The following CDK15 variants were observed in gnomAD, a reference collection of about 807,000 sequenced individuals.
The protein encoded by CDK15 is cyclin-dependent kinase 15.
Under a neutral mutation model 60.3 loss-of-function variants are expected in CDK15, and 62 were observed. That is an observed-to-expected ratio of 1.03 (90% confidence interval 0.84 to 1.27). The LOEUF is 1.27. Ranked by LOEUF, CDK15 falls within the 50% of genes most tolerant of loss-of-function variation. The probability of loss-of-function intolerance (pLI) is 0.00; values close to 1 mark genes in which losing one functional copy is unlikely to be tolerated. For missense variants in CDK15, 541 were observed against 527.8 expected (o/e 1.03, Z -0.25); for synonymous variants, 194 against 195.7 (o/e 0.99, Z 0.07).
chr2:201,880,063 C>G lies in CDK15; in HGVS notation c.1094C>G (p.Ser365Cys), dbSNP rs369311448. 60 of 1,613,982 alleles carry G rather than the reference C, an allele frequency of 3.7e-5. No individual in the cohort carries two copies. Among genetic ancestry groups the G allele is most frequent in the Non-Finnish European group, 4.7e-5 (56 of 1,180,016 alleles). The change falls in exon 12 of 14, where the codon TCC becomes TGC. Residue 365 changes from serine to cysteine, a missense_variant. Physicochemically the swap from Ser to Cys is moderately radical, Grantham distance 112. Transcript: ENST00000652192. ...GRVPEAEDLA[S>C]QMLKGFPRDR... ...GTTCCTGAAGCTGAAGACCTGGCCT[C>G]CCAGATGCTAAAAGGCTTTCCCAGA...
chr2:201,809,159 A>G (rs111968726), intron 3 of CDK15, among the ~76,000 whole-genome samples: 1,897 of 152,168 alleles, frequency 0.012, 38 homozygotes, highest in African/African-American at 0.043. Flanking sequence ...CCTCATATCA[A>G]TTTGGCCATG....
rs1169136736 is a variant in CDK15, at chr2:201,831,561, C to T, written c.607-2287C>T. Among the ~76,000 whole-genome samples the T allele has an allele frequency of 2.0e-5, 3 of 152,258 alleles. No homozygotes were observed. In the East Asian group the frequency reaches 5.8e-4, roughly 29 times the overall value. On this transcript the variant is annotated intron_variant, in intron 6 of 13. Transcript: ENST00000652192. ...TGATGAGGTTTGTCAGCACAGACTG[C>T]AATTTTGAGAAATGTGGTTATAAAA...
Position 201,869,209 on chromosome 2 carries a change from A to G in CDK15, c.1010-3069A>G, listed in dbSNP as rs185393747. ...GAATACTATGCAGCCATAGAAAAGGATGAGTTCATGTCCTTTGCAGGGACA... is the reference window on the plus strand; with the variant it reads ...GAATACTATGCAGCCATAGAAAAGGGTGAGTTCATGTCCTTTGCAGGGACA... On this transcript the variant is annotated intron_variant, in intron 10 of 13. Coordinates refer to ENST00000652192, the MANE Select transcript of CDK15 (RefSeq NM_001366386.2). 4.3e-3 allele frequency among the ~76,000 whole-genome samples: 657 copies of G among 152,312 alleles called. 2 individuals are homozygous for G. Among genetic ancestry groups the G allele is most frequent in the Middle Eastern group, 0.01 (3 of 294 alleles).
chr2:201,890,242 A>G (rs1409952341), intron 12 of CDK15, among the ~76,000 whole-genome samples: 1 of 152,128 alleles, frequency 6.6e-6, no homozygotes, highest in Non-Finnish European at 1.5e-5. Context: ...TTCCAACTTT[A>G]TCTCCCAGTC....
At chr2:201,836,539 C>A (rs1471592496) in intron 8 of CDK15, among the ~76,000 whole-genome samples, 1 of 151,860 alleles carries the variant, frequency 6.6e-6, no homozygotes, top group Non-Finnish European at 1.5e-5. Flanking sequence ...AGTTCTCCCA[C>A]TTCAGCCTCT....
chr2:201,879,903 C>T (rs1389415510), intron 11 of CDK15, 125 bp from the exon 12 acceptor site: 2 of 1,292,718 alleles, frequency 1.5e-6, no homozygotes, highest in Non-Finnish European at 2.1e-6. Context: ...TTTAGCAATT[C>T]CAGGAAAATT....
At chr2:201,833,087 A>G (rs1269613277) in intron 6 of CDK15, among the ~76,000 whole-genome samples, 1 of 152,086 alleles carries the variant, frequency 6.6e-6, no homozygotes. Flanking sequence ...TCATAACCAC[A>G]TGAAACATTT....
At chr2:201,878,147 C>G (rs1699149388) in intron 11 of CDK15, among the ~76,000 whole-genome samples, 1 of 152,182 alleles carries the variant, frequency 6.6e-6, no homozygotes, top group Non-Finnish European at 1.5e-5. Context: ...GGGATATGCA[C>G]AGTTTTCCCT....
intron 10 of CDK15, among the ~76,000 whole-genome samples, chr2:201,865,752 T>A (rs1698597361): frequency 6.6e-6 from 1 of 151,358 alleles, no homozygotes; most frequent in African/African-American, 2.4e-5. Context: ...TAGCCAGGTG[T>A]GGTGGTGTGT....
chr2:201,839,415 G>A (rs749516405), intron 8 of CDK15, among the ~76,000 whole-genome samples: 2 of 152,128 alleles, frequency 1.3e-5, no homozygotes, highest in East Asian at 1.9e-4. Context: ...TAAATGTAAT[G>A]CATGGTCCTA....
chr2:201,893,267 A>T (rs1412775842), intron 13 of CDK15, 34 bp from the exon 14 acceptor site: 1 of 152,118 alleles, frequency 6.6e-6, no homozygotes, highest in Non-Finnish European at 1.5e-5. Flanking sequence ...GTTGTTCATT[A>T]TTTTGATTGT....
intron 7 of CDK15, among the ~76,000 whole-genome samples, chr2:201,835,280 GCTGCCACTTC>G (rs1411457916): frequency 1.3e-5 from 2 of 152,142 alleles, no homozygotes; most frequent in African/African-American, 2.4e-5. Flanking sequence ...TTTCAAGATG[GCTGCCACTTC>G]CTGCTCATCA....
In CDK15 at chr2:201,894,790, C is replaced by T. The variant is rs1278705505; in HGVS notation, c.*1523C>T. The stretch of plus-strand genomic sequence containing the variant: ...TGACACCTATCGAATTTAGAGAATA[C>T]ACAACTCTTGCAGAGGCAGCTGCTA... On this transcript the variant is annotated 3_prime_UTR_variant, in exon 14 of 14. Coordinates refer to ENST00000652192, the MANE Select transcript of CDK15 (RefSeq NM_001366386.2). The T allele has an allele frequency of 6.6e-6, 1 of 152,124 alleles. No homozygotes were observed. Among genetic ancestry groups the T allele is most frequent in the Non-Finnish European group, 1.5e-5 (1 of 68,032 alleles). The allele number at this position is 152,124 out of a possible 1,614,324, so 9.4% of individuals were successfully genotyped here.
chr2:201,827,303 G>C (rs1381341573), intron 6 of CDK15, among the ~76,000 whole-genome samples: 3 of 152,088 alleles, frequency 2.0e-5, no homozygotes, highest in Non-Finnish European at 4.4e-5. Context: ...AAAATCAGCT[G>C]AGCATGGTGG....
In CDK15 at chr2:201,890,776, T is replaced by C; in HGVS notation, c.1199-9T>C. On this transcript the variant is annotated splice_polypyrimidine_tract_variant and intron_variant, in intron 12 of 13. Coordinates refer to ENST00000652192, the MANE Select transcript of CDK15 (RefSeq NM_001366386.2). ...ACATATTGGTGCTTCTCTCTTTTCATTCCTACAGAGGAGTCTTTGTTTACA... is the reference window on the plus strand; with the variant it reads ...ACATATTGGTGCTTCTCTCTTTTCACTCCTACAGAGGAGTCTTTGTTTACA... The C allele has an allele frequency of 6.3e-7, 1 of 1,594,388 alleles. No homozygotes were observed. The highest frequency in any genetic ancestry group is 8.6e-7 in the Non-Finnish European group (1 of 1,166,138).
chr2:201,843,838 GT>G (rs1697510847), intron 8 of CDK15, among the ~76,000 whole-genome samples: 1 of 152,088 alleles, frequency 6.6e-6, no homozygotes, highest in Non-Finnish European at 1.5e-5. Context: ...GAATGCTCTA[GT>G]TTTTGCCAAT....
In CDK15 at chr2:201,880,181, T is replaced by G. The variant is rs768370083; in HGVS notation, c.1198+14T>G. The G allele has an allele frequency of 5.0e-6, 8 of 1,612,924 alleles. No homozygotes were observed. In the East Asian group the frequency reaches 1.8e-4, roughly 36 times the overall value. On this transcript the variant is annotated intron_variant, in intron 12 of 13. Coordinates refer to ENST00000652192, the MANE Select transcript of CDK15 (RefSeq NM_001366386.2). ...AGCTTCCTGATGGTGAGCGAGGGAGTGTGTGCGTGTGCGTGAGTGCATGTG... is the reference window on the plus strand; with the variant it reads ...AGCTTCCTGATGGTGAGCGAGGGAGGGTGTGCGTGTGCGTGAGTGCATGTG...
chr2:201,821,173 A>C (rs1696203919), intron 4 of CDK15, among the ~76,000 whole-genome samples: 1 of 152,026 alleles, frequency 6.6e-6, no homozygotes, highest in South Asian at 2.1e-4. Context: ...ATAGAAAAGA[A>C]AGCACTTCTT....
chr2:201,865,342 C>T (rs980916469), intron 10 of CDK15, among the ~76,000 whole-genome samples: 3 of 152,162 alleles, frequency 2.0e-5, no homozygotes, highest in Non-Finnish European at 4.4e-5. Flanking sequence ...AGAGTCCTGA[C>T]TATGCCCATT....
Sources: gnomAD v4.1 joint callset for allele counts (sites outside exome capture counted in the v4.1 genomes callset) on GRCh38, gnomAD v4.1.1 for gene constraint, MANE v1.5 for transcripts, NCBI Gene and HGNC (gene_info 2026-07-23, HGNC 2026-07-21) for gene names.